ACSL6: variants seen among roughly 807,000 people sequenced by gnomAD.
The protein encoded by ACSL6 is long-chain-fatty-acid--CoA ligase 6.
In ACSL6, 47 loss-of-function variants were observed where a neutral mutation model predicts 98.2. The ratio of observed to expected loss-of-function variants is 0.48; its 90% CI spans 0.38 to 0.61. ACSL6 has a LOEUF of 0.61. Ranked by LOEUF, ACSL6 falls within the 20% of genes least tolerant of loss-of-function variation. The pLI is 0.00. For synonymous variants in ACSL6, 362 were observed against 336.9 expected (o/e 1.07, Z -0.82); for missense variants, 761 against 913.4 (o/e 0.83, Z 2.15).
intron 1 of ACSL6, among the ~76,000 whole-genome samples, chr5:132,004,106 C>T (rs1373419942): frequency 1.3e-5 from 2 of 152,136 alleles, no homozygotes; most frequent in Admixed American, 6.5e-5. Flanking sequence ...CAAGTGCCCT[C>T]GAGTGGGAGG....
intron 20 of ACSL6, among the ~76,000 whole-genome samples, chr5:131,954,759 G>C (rs145262406): frequency 1.3e-4 from 20 of 152,336 alleles, no homozygotes; most frequent in Non-Finnish European, 1.8e-4. Flanking sequence ...TAGGAGGGGA[G>C]AGGGAGAGAC....
chr5:131,988,806 T>C lies in ACSL6; in HGVS notation c.651A>G (p.Thr217=). ...GPGAIRYIIN[T]ADISTVIVDK... is the part of the protein sequence containing the mutation. ...AGGGTGGGGTGGCAGTGGGCTTACC[T>C]GTATTGATGATGTAGCGGATAGCCC... Residue 217 remains threonine, a splice_region_variant and synonymous_variant, in exon 6 of 21, where the codon ACA becomes ACG. Transcript: ENST00000651883. 1.2e-6 allele frequency: 2 copies of C among 1,613,562 alleles called. No homozygotes were observed. Among genetic ancestry groups the C allele is most frequent in the Non-Finnish European group, 1.7e-6 (2 of 1,179,800 alleles).
chr5:132,000,105 C>T (rs904744001), intron 1 of ACSL6, among the ~76,000 whole-genome samples: 2 of 152,020 alleles, frequency 1.3e-5, no homozygotes, highest in African/African-American at 4.8e-5. Flanking sequence ...GGAGATTCTG[C>T]CTCCAGCCTC....
intron 8 of ACSL6, 149 bp downstream of exon 8, chr5:131,986,673 C>T (rs1377971952): frequency 2.1e-6 from 2 of 953,118 alleles, no homozygotes; most frequent in Admixed American, 2.1e-5. Context: ...CCACAGAAGT[C>T]CTGGACACTC....
intron 10 of ACSL6, chr5:131,976,168 T>A: frequency 1.0e-6 from 1 of 985,472 alleles, no homozygotes; most frequent in Non-Finnish European, 1.2e-6. Context: ...CAAAGCTTTT[T>A]TGATTTTAGA....
At chr5:132,008,270 G>T (rs1389934696) in intron 1 of ACSL6, among the ~76,000 whole-genome samples, 1 of 152,204 alleles carries the variant, frequency 6.6e-6, no homozygotes, top group Non-Finnish European at 1.5e-5. Flanking sequence ...CCTAATGGGA[G>T]CCCAGAGTGG....
intron 1 of ACSL6, among the ~76,000 whole-genome samples, chr5:132,009,604 G>A (rs568919296): frequency 6.6e-5 from 10 of 152,240 alleles, no homozygotes; most frequent in East Asian, 3.9e-4. Context: ...TGGGAAGCTC[G>A]GCCTCTGTGG....
In ACSL6 at chr5:131,988,238, C is replaced by T. The variant is rs755360388; in HGVS notation, c.653-12G>A. 3.7e-6 allele frequency: 6 copies of T among 1,613,016 alleles called. No homozygotes were observed. The highest frequency in any genetic ancestry group is 5.1e-6 in the Non-Finnish European group (6 of 1,179,380). Reference sequence around the variant, plus strand: ...GGTGCTGATGTCCGCTGCAGGGGGCCATCAAGGAGAGTCAGGCCATGTGGG... The same window carrying T: ...GGTGCTGATGTCCGCTGCAGGGGGCTATCAAGGAGAGTCAGGCCATGTGGG... On this transcript the variant is annotated splice_polypyrimidine_tract_variant and intron_variant, in intron 6 of 20. Coordinates refer to ENST00000651883, the MANE Select transcript of ACSL6 (RefSeq NM_001009185.3).
At chr5:131,992,579 T>G (rs572821047) in intron 2 of ACSL6, among the ~76,000 whole-genome samples, 8 of 152,208 alleles carry the variant, frequency 5.3e-5, no homozygotes, top group Non-Finnish European at 1.0e-4. Context: ...ACTCACTCAG[T>G]GGCCCCTACA....
Position 132,011,363 on chromosome 5 carries a change from G to T in ACSL6, c.49+142C>A, listed in dbSNP as rs1755717043. The T allele has an allele frequency of 2.2e-6, 2 of 903,538 alleles. No homozygotes were observed. The highest frequency in any genetic ancestry group is 3.5e-6 in the Non-Finnish European group (2 of 570,530). 56.0% of individuals were successfully genotyped at this position (903,538 alleles called of 1,614,324 possible). On this transcript the variant is annotated intron_variant, in intron 1 of 20. Coordinates refer to ENST00000651883, the MANE Select transcript of ACSL6 (RefSeq NM_001009185.3). This position sits in a 1 kb window ranked among gnomAD's most constrained non-coding sequence, Gnocchi z 5.4. ...TGGGGGCGGAGGGTGTACTTAGGCG[G>T]CCCTGGGGACCTTGACGGGACAGCT...
chr5:132,009,866 G>A (rs1755616485), intron 1 of ACSL6, among the ~76,000 whole-genome samples: 1 of 152,092 alleles, frequency 6.6e-6, no homozygotes, highest in South Asian at 2.1e-4. Flanking sequence ...TGGTCTTGCA[G>A]CCCCTAGACA....
intron 9 of ACSL6, among the ~76,000 whole-genome samples, chr5:131,978,107 AATCCC>A (rs1753713393): frequency 6.6e-6 from 1 of 152,250 alleles, no homozygotes; most frequent in African/African-American, 2.4e-5. Flanking sequence ...AAACCAAATT[AATCCC>A]AGGGAATCTG....
At chr5:132,006,061 A>T (rs1755391331) in intron 1 of ACSL6, among the ~76,000 whole-genome samples, 1 of 152,212 alleles carries the variant, frequency 6.6e-6, no homozygotes, top group Non-Finnish European at 1.5e-5. Context: ...ATCTCGGAAC[A>T]CAAGCTTAAA....
chr5:131,984,968 C>T (rs561518470), intron 9 of ACSL6: 24 of 209,260 alleles, frequency 1.1e-4, no homozygotes, highest in Admixed American at 7.4e-4. Flanking sequence ...GGCTCACAGT[C>T]CCCCAGCAAG....
At chr5:131,980,014 G>C (rs543932764) in intron 9 of ACSL6, among the ~76,000 whole-genome samples, 1 of 152,208 alleles carries the variant, frequency 6.6e-6, no homozygotes, top group Non-Finnish European at 1.5e-5. Flanking sequence ...GCTGGGTGAC[G>C]ATCTGCCCTG....
chr5:132,005,793 C>T (rs1380171849), intron 1 of ACSL6, among the ~76,000 whole-genome samples: 1 of 152,212 alleles, frequency 6.6e-6, no homozygotes, highest in Non-Finnish European at 1.5e-5. Flanking sequence ...TTGGAATCCA[C>T]ATCCTGCACT....
At chr5:131,986,354 G>A (rs1486619494) in intron 8 of ACSL6, among the ~76,000 whole-genome samples, 1 of 152,152 alleles carries the variant, frequency 6.6e-6, no homozygotes, top group Non-Finnish European at 1.5e-5. Flanking sequence ...CCCATCCCGG[G>A]GGCAGCTGCC....
At chr5:131,998,888 G>T (rs563392447) in intron 1 of ACSL6, among the ~76,000 whole-genome samples, 1 of 152,126 alleles carries the variant, frequency 6.6e-6, no homozygotes, top group Non-Finnish European at 1.5e-5. Flanking sequence ...TCACACTGAG[G>T]CTCTCCATGA....
intron 16 of ACSL6, among the ~76,000 whole-genome samples, chr5:131,966,750 C>T (rs1226626305): frequency 6.6e-6 from 1 of 152,236 alleles, no homozygotes. Flanking sequence ...CCCCCCTGCC[C>T]TGGCCACCCT....
Sources: gnomAD v4.1 joint callset for allele counts (sites outside exome capture counted in the v4.1 genomes callset) on GRCh38, gnomAD v4.1.1 for gene constraint, Gnocchi (gnomAD v3.1) non-coding constraint, MANE v1.5 for transcripts, NCBI Gene and HGNC (gene_info 2026-07-23, HGNC 2026-07-21) for gene names.